Variants in ZDHHC15 observed in about 807,000 individuals in gnomAD.
ZDHHC15 encodes zDHHC palmitoyltransferase 15, also known as palmitoyltransferase ZDHHC15.
A neutral mutation model predicts 31.7 loss-of-function variants in ZDHHC15; 19 were observed. The observed-to-expected ratio is 0.60, with a 90% CI of 0.42 to 0.88. The LOEUF is 0.88. ZDHHC15 is among the 40% of genes least tolerant of loss of function. The probability of loss-of-function intolerance (pLI) is 0.00; values close to 1 mark genes in which losing one functional copy is unlikely to be tolerated. For synonymous variants in ZDHHC15, 103 were observed against 90.0 expected (o/e 1.14, Z -0.82); for missense variants, 209 against 251.2 (o/e 0.83, Z 1.14).
intron 4 of ZDHHC15, among the ~76,000 whole-genome samples, chrX:75,443,937 A>T (rs1032119298): frequency 9.0e-6 from 1 of 110,666 alleles, no homozygotes; most frequent in Non-Finnish European, 1.9e-5. Flanking sequence ...CACACCAGTT[A>T]GAATGGCAAT....
At chrX:75,471,696 C>A (rs189037635) in intron 3 of ZDHHC15, among the ~76,000 whole-genome samples, 94 of 112,031 alleles carry the variant, frequency 8.4e-4, no homozygotes, top group African/African-American at 3.0e-3. Context: ...GGGTCCAGAA[C>A]AGGAGAAGGC....
chrX:75,374,207 AACAT>A (rs2083033486), intron 11 of ZDHHC15, among the ~76,000 whole-genome samples: 2 of 109,139 alleles, frequency 1.8e-5, no homozygotes, highest in South Asian at 8.1e-4. Context: ...CAGGGAGGGG[AACAT>A]CACACACCGG....
intron 3 of ZDHHC15, among the ~76,000 whole-genome samples, chrX:75,464,547 G>A (rs1357487443): frequency 9.0e-6 from 1 of 111,354 alleles, no homozygotes; most frequent in African/African-American, 3.3e-5. Flanking sequence ...GATAAACATT[G>A]ATGTAAAAAT....
At chrX:75,518,800 TATATATACACAC>T (rs1262917444) in intron 1 of ZDHHC15, among the ~76,000 whole-genome samples, 211 of 25,894 alleles carry the variant, frequency 8.1e-3, no homozygotes, top group Middle Eastern at 0.033. Flanking sequence ...TATATATATA[TATATATACACAC>T]ACACACACAC....
chrX:75,493,203 G>A (rs1315216930), intron 2 of ZDHHC15, among the ~76,000 whole-genome samples: 5 of 111,471 alleles, frequency 4.5e-5, no homozygotes, highest in Admixed American at 1.9e-4. Flanking sequence ...TAAATTCCTC[G>A]ACACATACAT....
At chrX:75,464,193 C>A (rs998412618) in intron 3 of ZDHHC15, among the ~76,000 whole-genome samples, 1 of 110,989 alleles carries the variant, frequency 9.0e-6, no homozygotes, top group South Asian at 3.8e-4. Flanking sequence ...GGAGAAAACA[C>A]CAAACACCGC....
At chrX:75,511,598 A>C (rs1159940780) in intron 1 of ZDHHC15, among the ~76,000 whole-genome samples, 1 of 100,879 alleles carries the variant, frequency 9.9e-6, no homozygotes, top group Non-Finnish European at 2.0e-5. Flanking sequence ...CCCATTTGTC[A>C]ATTTTGGCTT....
intron 7 of ZDHHC15, among the ~76,000 whole-genome samples, chrX:75,426,059 A>G (rs2083710798): frequency 9.0e-6 from 1 of 111,500 alleles, no homozygotes; most frequent in African/African-American, 3.3e-5. Context: ...TCCTTTTTGA[A>G]ATGATCCCTC....
At chrX:75,490,507 GT>G (rs1175375434) in intron 2 of ZDHHC15, among the ~76,000 whole-genome samples, 1 of 111,544 alleles carries the variant, frequency 9.0e-6, no homozygotes, top group Admixed American at 9.5e-5. Flanking sequence ...CTTTAAAGTA[GT>G]TTTTTCCAAT....
intron 4 of ZDHHC15, among the ~76,000 whole-genome samples, chrX:75,449,903 A>C (rs2084091965): frequency 8.9e-6 from 1 of 112,150 alleles, no homozygotes; most frequent in South Asian, 3.6e-4. Flanking sequence ...GTACTGTTTT[A>C]GTCATGCAGA....
chrX:75,481,033 C>G (rs562604705), intron 2 of ZDHHC15, among the ~76,000 whole-genome samples: 30 of 111,163 alleles, frequency 2.7e-4, no homozygotes, highest in Non-Finnish European at 5.3e-4. Context: ...CTGGCTACCC[C>G]CTGGGAGTGT....
intron 1 of ZDHHC15, 86 bp downstream of exon 1, chrX:75,522,803 G>T (rs1415112510): frequency 1.8e-6 from 2 of 1,125,254 alleles, no homozygotes; most frequent in Non-Finnish European, 2.4e-6. Context: ...GAAGGCTTGA[G>T]AACACAAGGG....
chrX:75,459,773 A>G lies in ZDHHC15; in HGVS notation c.259-8851T>C, dbSNP rs778544737. 3.6e-5 allele frequency among the ~76,000 whole-genome samples: 4 copies of G among 112,595 alleles called. No homozygotes were observed. The South Asian group carries it at 1.5e-3, about 41-fold the overall frequency. On this transcript the variant is annotated intron_variant, in intron 3 of 11. Transcript: ENST00000373367. The stretch of plus-strand genomic sequence containing the variant: ...AGAGTGAAAATTGTCCCGATGAGGA[A>G]GGGTCAGTTTGGAAAATTTTGGACT...
rs2083014511 is a variant in ZDHHC15, at chrX:75,372,560, A to G, written c.*418T>C. 1 of 111,687 alleles carries G rather than the reference A, an allele frequency of 9.0e-6. No homozygotes were observed. The highest frequency in any genetic ancestry group is 1.9e-5 in the Non-Finnish European group (1 of 53,085). The allele number at this position is 111,687 out of a possible 1,213,427, so 9.2% of individuals were successfully genotyped here. A position where few individuals can be genotyped will look rare whatever the true frequency, so the allele number is the denominator to read the frequency against. ...GCACACAAGCAGCAAATGTAGTTTG[A>G]TTCCCTTCAACACCAAAAAGGCCCT... On this transcript the variant is annotated 3_prime_UTR_variant, in exon 12 of 12. Coordinates refer to ENST00000373367, the MANE Select transcript of ZDHHC15 (RefSeq NM_144969.3).
At chrX:75,440,600 T>C (rs1271341068) in intron 4 of ZDHHC15, among the ~76,000 whole-genome samples, 1 of 112,637 alleles carries the variant, frequency 8.9e-6, no homozygotes, top group African/African-American at 3.2e-5. Flanking sequence ...TGTGTTGTTG[T>C]AATGGCTTGA....
chrX:75,392,328 A>T (rs2147779681), intron 10 of ZDHHC15, among the ~76,000 whole-genome samples: 1 of 112,024 alleles, frequency 8.9e-6, no homozygotes, highest in East Asian at 2.8e-4. Context: ...GTCTGCTTAT[A>T]TTCTAGCCAC....
At chrX:75,421,725 T>C in intron 9 of ZDHHC15, 139 bp downstream of exon 9, 1 of 638,662 alleles carries the variant, frequency 1.6e-6, no homozygotes, top group East Asian at 3.8e-5. Context: ...TATTTGCCTT[T>C]ATTAACCTAG....
chrX:75,409,612 C>T (rs868391226), intron 10 of ZDHHC15, among the ~76,000 whole-genome samples: 27 of 104,209 alleles, frequency 2.6e-4, no homozygotes, highest in Admixed American at 3.2e-4. Flanking sequence ...CTGGCTAACA[C>T]GGTGAAACCC....
chrX:75,424,591 T>C, intron 8 of ZDHHC15, 61 bp downstream of exon 8: 1 of 1,090,925 alleles, frequency 9.2e-7, no homozygotes. Flanking sequence ...TTGGGAACAA[T>C]TCACAGGTCC....
Sources: gnomAD v4.1 joint callset for allele counts (sites outside exome capture counted in the v4.1 genomes callset) on GRCh38, gnomAD v4.1.1 for gene constraint, MANE v1.5 for transcripts, NCBI Gene and HGNC (gene_info 2026-07-23, HGNC 2026-07-21) for gene names.